SMARCC1: variants seen among roughly 807,000 people sequenced by gnomAD.
SMARCC1 encodes SWI/SNF related BAF chromatin remodeling complex subunit C1.
SMARCC1 carries 43 observed loss-of-function variants against 147.4 expected under a neutral mutation model. The observed-to-expected ratio is 0.29, with a 90% CI of 0.23 to 0.38. The LOEUF (loss-of-function observed/expected upper bound fraction) is 0.38, where lower values mean the gene tolerates loss of function less well. SMARCC1 is among the 10% of genes least tolerant of loss of function. The pLI is 1.00. For synonymous variants in SMARCC1, 495 were observed against 484.4 expected (o/e 1.02, Z -0.29); for missense variants, 1,119 against 1,381.1 (o/e 0.81, Z 3.01).
intron 2 of SMARCC1, among the ~76,000 whole-genome samples, chr3:47,751,094 C>T (rs891380336): frequency 1.3e-5 from 2 of 151,838 alleles, no homozygotes; most frequent in African/African-American, 4.8e-5. Flanking sequence ...GACAGGGTTT[C>T]ACCAGGTTGG....
intron 21 of SMARCC1, among the ~76,000 whole-genome samples, chr3:47,653,368 A>C (rs2033219048): frequency 6.6e-6 from 1 of 152,238 alleles, no homozygotes; most frequent in Non-Finnish European, 1.5e-5. Flanking sequence ...TATATTTCTT[A>C]AGGAAGCTTA....
intron 19 of SMARCC1, among the ~76,000 whole-genome samples, chr3:47,665,130 G>A (rs1323908804): frequency 6.6e-6 from 1 of 152,064 alleles, no homozygotes; most frequent in Non-Finnish European, 1.5e-5. Context: ...ACTGCACCTG[G>A]ACATCAATTA....
At chr3:47,663,553 C>T (rs2033379812) in intron 19 of SMARCC1, 1 of 1,184,014 alleles carries the variant, frequency 8.4e-7, no homozygotes, top group Non-Finnish European at 1.2e-6. Flanking sequence ...CAAGGCCAGC[C>T]TGACAAACAC....
At chr3:47,611,786 G>C (rs1407598454) in intron 25 of SMARCC1, among the ~76,000 whole-genome samples, 1 of 152,166 alleles carries the variant, frequency 6.6e-6, no homozygotes, top group African/African-American at 2.4e-5. Flanking sequence ...GTAGCAACTG[G>C]GGTATTTCCA....
intron 21 of SMARCC1, among the ~76,000 whole-genome samples, chr3:47,658,232 A>T (rs1576401412): frequency 6.6e-6 from 1 of 152,248 alleles, no homozygotes; most frequent in East Asian, 1.9e-4. Context: ...ACTTAAAAAA[A>T]TAGCTTTGAG....
chr3:47,620,853 G>C (rs2106683346), intron 25 of SMARCC1, among the ~76,000 whole-genome samples: 1 of 152,260 alleles, frequency 6.6e-6, no homozygotes, highest in East Asian at 1.9e-4. Flanking sequence ...AGAAGTCAGG[G>C]AATCAAGAAA....
At chr3:47,743,597 T>C (rs1326480584) in intron 3 of SMARCC1, among the ~76,000 whole-genome samples, 1 of 151,994 alleles carries the variant, frequency 6.6e-6, no homozygotes. Context: ...GCGGGTCACC[T>C]GAGTCAGGAG....
At chr3:47,764,654 T>C (rs954072399) in intron 2 of SMARCC1, among the ~76,000 whole-genome samples, 2 of 152,192 alleles carry the variant, frequency 1.3e-5, no homozygotes, top group African/African-American at 4.8e-5. Context: ...TACTGAGCTC[T>C]ATCTAACTGG....
At chr3:47,718,120 C>A (rs2034180860) in intron 7 of SMARCC1, among the ~76,000 whole-genome samples, 1 of 107,894 alleles carries the variant, frequency 9.3e-6, no homozygotes, top group African/African-American at 3.7e-5. Flanking sequence ...GCCTGGGTAA[C>A]AGAGCAAGAC....
At chr3:47,730,700 A>G (rs1280025920) in intron 5 of SMARCC1, among the ~76,000 whole-genome samples, 1 of 152,066 alleles carries the variant, frequency 6.6e-6, no homozygotes, top group South Asian at 2.1e-4. Flanking sequence ...ACGCGTGTCT[A>G]TTAAAAATAC....
intron 21 of SMARCC1, among the ~76,000 whole-genome samples, chr3:47,648,754 T>C (rs1056635630): frequency 2.0e-5 from 3 of 152,086 alleles, no homozygotes; most frequent in African/African-American, 4.8e-5. Flanking sequence ...AATAATACTA[T>C]GCTTCACTCT....
chr3:47,762,829 G>C (rs933124134), intron 2 of SMARCC1, among the ~76,000 whole-genome samples: 1 of 152,176 alleles, frequency 6.6e-6, no homozygotes, highest in African/African-American at 2.4e-5. Context: ...CACTTTGGGA[G>C]GCCGAGGCGG....
chr3:47,753,637 G>A (rs1377159182), intron 2 of SMARCC1, among the ~76,000 whole-genome samples: 2 of 148,756 alleles, frequency 1.3e-5, no homozygotes, highest in Non-Finnish European at 3.0e-5. Context: ...GCTTGAATTC[G>A]GGAGGCGGAG....
At chr3:47,645,703 A>G (rs755540495) in intron 21 of SMARCC1, among the ~76,000 whole-genome samples, 2 of 152,228 alleles carry the variant, frequency 1.3e-5, no homozygotes, top group Admixed American at 1.3e-4. Flanking sequence ...GAGAAACGCA[A>G]TATGATTTTT....
chr3:47,702,412 G>T (rs1404883276), intron 10 of SMARCC1, among the ~76,000 whole-genome samples: 5 of 152,096 alleles, frequency 3.3e-5, no homozygotes, highest in African/African-American at 1.2e-4. Flanking sequence ...GAGATTGTAA[G>T]GACTGAAGGT....
chr3:47,778,975 A>G (rs1230300222), intron 1 of SMARCC1, among the ~76,000 whole-genome samples: 2 of 152,096 alleles, frequency 1.3e-5, no homozygotes, highest in African/African-American at 4.8e-5. Context: ...GCAACACAGA[A>G]AGACCCTGTC....
chr3:47,709,948 T>G (rs529023117), intron 9 of SMARCC1, among the ~76,000 whole-genome samples: 2 of 152,148 alleles, frequency 1.3e-5, no homozygotes, highest in Non-Finnish European at 2.9e-5. Flanking sequence ...GAAAAGTGGA[T>G]TGAACTATAA....
At chr3:47,729,207 T>C in intron 5 of SMARCC1, 113 bp from the exon 6 acceptor site, 2 of 653,600 alleles carry the variant, frequency 3.1e-6, no homozygotes, top group Non-Finnish European at 2.5e-6. Context: ...TTATAGACTT[T>C]ATATAAAAAA....
chr3:47,713,543 A>C (rs2034117089), intron 8 of SMARCC1, among the ~76,000 whole-genome samples: 1 of 151,960 alleles, frequency 6.6e-6, no homozygotes, highest in South Asian at 2.1e-4. Context: ...CTCCTGCCTC[A>C]GCCTTCCAAG....
Sources: gnomAD v4.1 joint callset for allele counts (sites outside exome capture counted in the v4.1 genomes callset) on GRCh38, gnomAD v4.1.1 for gene constraint, MANE v1.5 for transcripts, NCBI Gene and HGNC (gene_info 2026-07-23, HGNC 2026-07-21) for gene names.